The following FGF11 variants were observed in gnomAD, a reference collection of about 807,000 sequenced individuals.
FGF11 encodes the protein fibroblast growth factor 11, also known as fibroblast growth factor homologous factor 3.
In FGF11, 25 loss-of-function variants were observed where a neutral mutation model predicts 25.1. That is an observed-to-expected ratio of 1.00 (90% CI 0.73 to 1.39). FGF11 has a LOEUF of 1.39. FGF11 is among the 40% of genes most tolerant of loss of function. FGF11 has a pLI of 0.00. For missense variants in FGF11, 320 were observed against 311.0 expected, an observed-to-expected ratio of 1.03 and a Z score of -0.22; for synonymous variants, 130 against 128.9, an observed-to-expected ratio of 1.01 and a Z score of -0.06.
In FGF11 at chr17:7,439,695, G is replaced by A. The variant is rs1433008696; in HGVS notation, c.75G>A (p.Ser25=). ...VREPGGSRPV[S]AQRRVCPRGT... is the part of the protein sequence containing the mutation. ...AGCCCGGGGGCAGCCGGCCGGTGTC[G>A]GCGCAGCGGCGCGTGTGTCCCCGCG... The change falls in exon 1 of 5, where the codon TCG becomes TCA. Residue 25 remains serine (S), a synonymous_variant. Coordinates refer to ENST00000293829, the MANE Select transcript of FGF11 (RefSeq NM_004112.4). 1 of 1,557,190 alleles carries A rather than the reference G, an allele frequency of 6.4e-7. No homozygotes were observed. Among genetic ancestry groups the A allele is most frequent in the Non-Finnish European group, 8.6e-7 (1 of 1,157,760 alleles).
rs1382316079 is a variant in FGF11, at chr17:7,439,702, C to G, written c.82C>G (p.Arg28Gly). 1.3e-6 allele frequency: 2 copies of G among 1,563,932 alleles called. No individual in the cohort carries two copies. The highest frequency in any genetic ancestry group is 8.6e-7 in the Non-Finnish European group (1 of 1,160,584). ...PGGSRPVSAQ[R>G]RVCPRGTKSL... ...GGGCAGCCGGCCGGTGTCGGCGCAG[C>G]GGCGCGTGTGTCCCCGCGGCACCAA... Residue 28 changes from arginine to glycine, a missense_variant, in exon 1 of 5, where the codon CGG becomes GGG. Physicochemically the swap from Arg to Gly is moderately radical, Grantham distance 125 (BLOSUM62 -2). Coordinates refer to ENST00000293829, the MANE Select transcript of FGF11 (RefSeq NM_004112.4).
At position 7,444,920 on chromosome 17, in the gene FGF11, A is replaced by G; in HGVS notation, c.*1774A>G. 1 of 612,562 alleles carries G rather than the reference A, an allele frequency of 1.6e-6. No individual in the cohort carries two copies. Among genetic ancestry groups the G allele is most frequent in the Non-Finnish European group, 2.9e-6 (1 of 348,752 alleles). 37.9% of individuals were successfully genotyped at this position (612,562 alleles called of 1,614,324 possible). ...TCCACTCCAGCTTTCTCAATTAAAG[A>G]CGATTTATACAACTGAAGTGCTGTC... On this transcript the variant is annotated 3_prime_UTR_variant, in exon 5 of 5. Transcript: ENST00000293829.
Position 7,439,780 on chromosome 17 carries a change from G to C in FGF11, c.160G>C (p.Gly54Arg). Residue 54 changes from glycine (G) to arginine (R), a missense_variant, in exon 1 of 5, where the codon GGG (glycine) becomes CGG (arginine). Transcript: ENST00000293829. ...LILLSKVRLC[G>R]GRPARPDRGP... ...CCTGCTGTCCAAGGTGCGACTGTGC[G>C]GGGGGCGGCCCGCGCGGCCGGACCG... The C allele has an allele frequency of 4.7e-6, 7 of 1,487,448 alleles. No homozygotes were observed. Among genetic ancestry groups the C allele is most frequent in the Middle Eastern group, 1.7e-4 (1 of 5,718 alleles). 92.1% of individuals were successfully genotyped at this position (1,487,448 alleles called of 1,614,324 possible).
Position 7,443,166 on chromosome 17 carries a change from A to T in FGF11, c.*20A>T. ...CCCTGAAATGTAGTCCCTGGACTGGAGGTTCCCTGCACTCCCAGTGAGCCA... is the reference window on the plus strand; with the variant it reads ...CCCTGAAATGTAGTCCCTGGACTGGTGGTTCCCTGCACTCCCAGTGAGCCA... On this transcript the variant is annotated 3_prime_UTR_variant, in exon 5 of 5. Coordinates refer to ENST00000293829, the MANE Select transcript of FGF11 (RefSeq NM_004112.4). 1 of 1,519,754 alleles carries T rather than the reference A, an allele frequency of 6.6e-7. No homozygotes were observed. Among genetic ancestry groups the T allele is most frequent in the Non-Finnish European group, 9.1e-7 (1 of 1,101,174 alleles). The allele number at this position is 1,519,754 out of a possible 1,614,324, so 94.1% of individuals were successfully genotyped here.
upstream of FGF11, chr17:7,439,321 C>G (rs764171007): frequency 3.1e-4 from 97 of 314,214 alleles, no homozygotes; most frequent in Non-Finnish European, 5.1e-4. Flanking sequence ...AGGACAGACA[C>G]TGGAGAGGAG....
chr17:7,442,666 C>G lies in FGF11; in HGVS notation c.481C>G (p.Leu161Val). Residue 161 changes from leucine (L) to valine (V), a missense_variant, in exon 4 of 5, where the codon CTC (leucine) becomes GTC (valine). By Grantham distance (32) the Leu-to-Val change is conservative. Coordinates refer to ENST00000293829, the MANE Select transcript of FGF11 (RefSeq NM_004112.4). ...TTACTACGTCCTGTACGCCTCTGCT[C>G]TCTACCGCCAGCGTCGTTCTGGCCG... ...ENYYVLYASA[L>V]YRQRRSGRAW... 6.2e-7 allele frequency: 1 copy of G among 1,614,206 alleles called. No homozygotes were observed. Among genetic ancestry groups the G allele is most frequent in the Non-Finnish European group, 8.5e-7 (1 of 1,180,044 alleles).
rs564044201 is a variant in FGF11, at chr17:7,443,639, G to A, written c.*493G>A. The A allele has an allele frequency of 3.9e-5, 6 of 154,678 alleles. 1 individual carries two copies. The highest frequency in any genetic ancestry group is 9.6e-5 in the African/African-American group (4 of 41,586). The allele number at this position is 154,678 out of a possible 1,614,324, so 9.6% of individuals were successfully genotyped here. On this transcript the variant is annotated 3_prime_UTR_variant, in exon 5 of 5. Coordinates refer to ENST00000293829, the MANE Select transcript of FGF11 (RefSeq NM_004112.4). ...ACATTCTGGAACACTGGACACCCTC[G>A]CCAGGGCCACTTCTGCACTAGGGCT...
Position 7,443,913 on chromosome 17 carries a change from A to G in FGF11, c.*767A>G, listed in dbSNP as rs528334555. The G allele has an allele frequency of 2.0e-5, 3 of 152,292 alleles. No homozygotes were observed. The highest frequency in any genetic ancestry group is 7.2e-5 in the African/African-American group (3 of 41,552). The allele number at this position is 152,292 out of a possible 1,614,324, so 9.4% of individuals were successfully genotyped here. A position where few individuals can be genotyped will look rare whatever the true frequency, so the allele number is the denominator to read the frequency against. On this transcript the variant is annotated 3_prime_UTR_variant, in exon 5 of 5. Coordinates refer to ENST00000293829, the MANE Select transcript of FGF11 (RefSeq NM_004112.4). ...CCTGAATCCTAGCTCTAGGACATAG[A>G]TCATGACTCTCAGCCCTTTTACCCA...
At position 7,440,661 on chromosome 17, in the gene FGF11, C is replaced by T. The variant is rs1908279324; in HGVS notation, c.194-810C>T. Reference sequence around the variant, plus strand: ...CCTCTGGCCCTGCTCCCGCCCGCTCCCAGCTCCCCTAAGGGTAGCCACCTC... The same window carrying T: ...CCTCTGGCCCTGCTCCCGCCCGCTCTCAGCTCCCCTAAGGGTAGCCACCTC... On this transcript the variant is annotated intron_variant, in intron 1 of 4. Coordinates refer to ENST00000293829, the MANE Select transcript of FGF11 (RefSeq NM_004112.4). The surrounding 1 kb of genome is among the most constrained non-coding windows in gnomAD (Gnocchi z 5.4). 2.0e-6 allele frequency: 2 copies of T among 985,722 alleles called. No homozygotes were observed. The highest frequency in any genetic ancestry group is 1.7e-5 in the African/African-American group (1 of 57,240). The allele number at this position is 985,722 out of a possible 1,614,324, so 61.1% of individuals were successfully genotyped here. A position where few individuals can be genotyped will look rare whatever the true frequency, so the allele number is the denominator to read the frequency against.
chr17:7,441,673 A>C, intron 2 of FGF11, 92 bp downstream of exon 2: 1 of 1,586,622 alleles, frequency 6.3e-7, no homozygotes. Context: ...GTTGCCATTG[A>C]TCCGTCTTCC....
Position 7,443,390 on chromosome 17 carries a change from A to G in FGF11, c.*244A>G. 6.5e-6 allele frequency: 3 copies of G among 461,070 alleles called. No homozygotes were observed. Among genetic ancestry groups the G allele is most frequent in the Non-Finnish European group, 1.2e-5 (3 of 260,660 alleles). 28.6% of individuals were successfully genotyped at this position (461,070 alleles called of 1,614,324 possible). A position where few individuals can be genotyped will look rare whatever the true frequency, so the allele number is the denominator to read the frequency against. Reference sequence around the variant, plus strand: ...GGATGTCTGAAGATGGTCCTGGCTGATCACTTCTTTCTTTCCACACTCACA... The same window carrying G: ...GGATGTCTGAAGATGGTCCTGGCTGGTCACTTCTTTCTTTCCACACTCACA... On this transcript the variant is annotated 3_prime_UTR_variant, in exon 5 of 5. Coordinates refer to ENST00000293829, the MANE Select transcript of FGF11 (RefSeq NM_004112.4).
In FGF11 at chr17:7,443,246, T is replaced by G; in HGVS notation, c.*100T>G. On this transcript the variant is annotated 3_prime_UTR_variant, in exon 5 of 5. Transcript: ENST00000293829. ...GCTCTCACCCCTGCTGCCACACACATGCCCTGAGCAGCCAGGTCCCACTAG... is the reference window on the plus strand; with the variant it reads ...GCTCTCACCCCTGCTGCCACACACAGGCCCTGAGCAGCCAGGTCCCACTAG... The G allele has an allele frequency of 1.3e-6, 1 of 755,522 alleles. No homozygotes were observed. Among genetic ancestry groups the G allele is most frequent in the Non-Finnish European group, 2.2e-6 (1 of 454,634 alleles). 46.8% of individuals were successfully genotyped at this position (755,522 alleles called of 1,614,324 possible).
At chr17:7,442,288 G>A in intron 3 of FGF11, 1 of 361,970 alleles carries the variant, frequency 2.8e-6, no homozygotes, top group Non-Finnish European at 4.8e-6. Flanking sequence ...TTTTTAAATA[G>A]TGACAGGGTC....
Position 7,441,774 on chromosome 17 carries a change from A to T in FGF11, c.305-2A>T. The T allele has an allele frequency of 1.3e-6, 2 of 1,598,690 alleles. No homozygotes were observed. The highest frequency in any genetic ancestry group is 1.7e-6 in the Non-Finnish European group (2 of 1,171,830). On this transcript the variant is annotated splice_acceptor_variant, in intron 2 of 4. Coordinates refer to ENST00000293829, the MANE Select transcript of FGF11 (RefSeq NM_004112.4). LOFTEE classifies it high-confidence loss of function. ...ATTGATGCTCCCTCTCTCCACCTGC[A>T]GCCCACTTCAACCTGATCCCTGTGG...
In FGF11 at chr17:7,440,805, C is replaced by G. The variant is rs774959875; in HGVS notation, c.194-666C>G. The G allele has an allele frequency of 2.8e-4, 277 of 987,816 alleles. No homozygotes were observed. The highest frequency in any genetic ancestry group is 3.3e-4 in the Non-Finnish European group (273 of 831,602). The allele number at this position is 987,816 out of a possible 1,614,324, so 61.2% of individuals were successfully genotyped here. On this transcript the variant is annotated intron_variant, in intron 1 of 4. Coordinates refer to ENST00000293829, the MANE Select transcript of FGF11 (RefSeq NM_004112.4). This position sits in a 1 kb window ranked among gnomAD's most constrained non-coding sequence, Gnocchi z 5.4. ...CTCTCCATCTCCTCAGCTCCCACCC[C>G]CCATATCCTTGGTAAGGTCCCCCTT... is the stretch of plus-strand genomic sequence containing the variant.
At position 7,440,684 on chromosome 17, in the gene FGF11, C is replaced by A; in HGVS notation, c.194-787C>A. 1 of 985,552 alleles carries A rather than the reference C, an allele frequency of 1.0e-6. No individual in the cohort carries two copies. The highest frequency in any genetic ancestry group is 1.2e-6 in the Non-Finnish European group (1 of 830,300). 61.1% of individuals were successfully genotyped at this position (985,552 alleles called of 1,614,324 possible). A position where few individuals can be genotyped will look rare whatever the true frequency, so the allele number is the denominator to read the frequency against. ...TCCCAGCTCCCCTAAGGGTAGCCAC[C>A]TCGCGCCCTCCTCCCCGCGCCACCG... On this transcript the variant is annotated intron_variant, in intron 1 of 4. Coordinates refer to ENST00000293829, the MANE Select transcript of FGF11 (RefSeq NM_004112.4). This position sits in a 1 kb window ranked among gnomAD's most constrained non-coding sequence, Gnocchi z 5.4.
In FGF11 at chr17:7,442,656, C is replaced by T. The variant is rs753425499; in HGVS notation, c.471C>T (p.Tyr157=). 30 of 1,614,086 alleles carry T rather than the reference C, an allele frequency of 1.9e-5. No individual in the cohort carries two copies. Among genetic ancestry groups the T allele is most frequent in the Middle Eastern group, 1.6e-4 (1 of 6,084 alleles). The change falls in exon 4 of 5, where the codon TAC becomes TAT. Residue 157 remains tyrosine, a synonymous_variant. Coordinates refer to ENST00000293829, the MANE Select transcript of FGF11 (RefSeq NM_004112.4). The part of the protein sequence containing the change: ...ECVFENYYVL[Y]ASALYRQRRS... ...TCTTTGAGAATTACTACGTCCTGTA[C>T]GCCTCTGCTCTCTACCGCCAGCGTC... is the stretch of plus-strand genomic sequence containing the variant.
intron 3 of FGF11, 51 bp downstream of exon 3, chr17:7,441,930 C>T: frequency 7.4e-7 from 1 of 1,350,078 alleles, no homozygotes; most frequent in Non-Finnish European, 1.0e-6. Flanking sequence ...TCCCCTTCCT[C>T]AATTTGTCCC....
intron 1 of FGF11, chr17:7,441,095 C>A: frequency 2.6e-6 from 1 of 377,572 alleles, no homozygotes. Context: ...GATCCCCCAC[C>A]TTCGCAAACA....
Sources: allele counts gnomAD v4.1 joint callset, GRCh38; gene constraint gnomAD v4.1.1; non-coding constraint Gnocchi (gnomAD v3.1); transcripts MANE v1.5; gene names NCBI Gene and HGNC (gene_info 2026-07-23, HGNC 2026-07-21).